Variants in HHIPL1 observed in about 807,000 individuals in gnomAD.
HHIPL1 encodes HHIP-like protein 1.
A neutral mutation model predicts 61.8 loss-of-function variants in HHIPL1; 43 were observed. That is an observed-to-expected ratio of 0.70 (90% CI 0.55 to 0.90). The LOEUF is 0.90. HHIPL1 is among the 40% of genes least tolerant of loss of function. The pLI is 0.00. For synonymous variants in HHIPL1, 482 were observed against 515.8 expected, an observed-to-expected ratio of 0.93 and a Z score of 0.89; for missense variants, 1,056 against 1,157.7, an observed-to-expected ratio of 0.91 and a Z score of 1.28.
At chr14:99,604,986 G>A in the HHIPL1 span, among the ~76,000 whole-genome samples, 1 of 152,154 alleles carries the variant, frequency 6.6e-6, no homozygotes, top group Non-Finnish European at 1.5e-5. Context: ...TGAGCTAAAC[G>A]CTGGCGTCCG....
chr14:99,668,747 C>A lies in HHIPL1; in HGVS notation c.1730+444C>A. 6.6e-7 allele frequency: 1 copy of A among 1,515,352 alleles called. No homozygotes were observed. The highest frequency in any genetic ancestry group is 9.0e-7 in the Non-Finnish European group (1 of 1,107,156). The allele number at this position is 1,515,352 out of a possible 1,614,324, so 93.9% of individuals were successfully genotyped here. ...CCTGTGTGTCCCCGCCCCGTGCCTG[C>A]CCTTCCTCCTGTGGTCCATCTTCCA... On this transcript the variant is annotated intron_variant, in intron 7 of 8. Transcript: ENST00000330710. The surrounding 1 kb of genome is among the most constrained non-coding windows in gnomAD (Gnocchi z 4.7).
chr14:99,674,756 C>A (rs929506355), intron 8 of HHIPL1, among the ~76,000 whole-genome samples: 2 of 152,178 alleles, frequency 1.3e-5, no homozygotes, highest in Admixed American at 6.5e-5. Flanking sequence ...CTGGCTCCCC[C>A]ACCAACCTAG....
In HHIPL1 at chr14:99,645,394, CTG is replaced by C; in HGVS notation, c.188_189del (p.Leu63ArgfsTer33). On this transcript the variant is annotated frameshift_variant, in exon 1 of 9. Coordinates refer to ENST00000330710, the MANE Select transcript of HHIPL1 (RefSeq NM_001127258.3). LOFTEE classifies it high-confidence loss of function. The stretch of plus-strand genomic sequence containing the variant: ...CGAGCTGACCCGCCGCTTCTGGGCC[CTG>C]GCGAGCCGCGTGGACGCCGCCGAGT... ...DAELTRRFWA[L>X]ASRVDAAEWA... 7.0e-7 allele frequency: 1 copy of C among 1,424,738 alleles called. No individual in the cohort carries two copies. The highest frequency in any genetic ancestry group is 9.2e-7 in the Non-Finnish European group (1 of 1,091,730). The allele number at this position is 1,424,738 out of a possible 1,614,324, so 88.3% of individuals were successfully genotyped here.
intron 8 of HHIPL1, among the ~76,000 whole-genome samples, chr14:99,673,229 G>A (rs2056344645): frequency 6.6e-6 from 1 of 151,946 alleles, no homozygotes; most frequent in Non-Finnish European, 1.5e-5. Context: ...CGGGTAGAGG[G>A]GGAAGGGTCT....
At chr14:99,665,962 A>G (rs1324675197) in intron 6 of HHIPL1, among the ~76,000 whole-genome samples, 6 of 151,364 alleles carry the variant, frequency 4.0e-5, no homozygotes, top group Non-Finnish European at 8.8e-5. Flanking sequence ...TTGTATTTTT[A>G]GTAGAGATGG....
At chr14:99,618,569 A>G in the HHIPL1 span, among the ~76,000 whole-genome samples, 2 of 152,314 alleles carry the variant, frequency 1.3e-5, no homozygotes, top group African/African-American at 2.4e-5. Context: ...CCAGCCCTGA[A>G]CTGTGCGTAC....
the HHIPL1 span, among the ~76,000 whole-genome samples, chr14:99,636,194 A>C: frequency 6.6e-6 from 1 of 150,780 alleles, no homozygotes; most frequent in Non-Finnish European, 1.5e-5. Context: ...GTGGGAAGGG[A>C]TGTCATGGAG....
At chr14:99,618,054 G>A in the HHIPL1 span, among the ~76,000 whole-genome samples, 1 of 152,214 alleles carries the variant, frequency 6.6e-6, no homozygotes, top group African/African-American at 2.4e-5. Flanking sequence ...CACCTTGCCT[G>A]GTCCAGGGGC....
chr14:99,624,131 C>T, the HHIPL1 span, among the ~76,000 whole-genome samples: 1 of 152,236 alleles, frequency 6.6e-6, no homozygotes, highest in Non-Finnish European at 1.5e-5. Flanking sequence ...CCGAGGCTTG[C>T]CAAGAGCTTG....
rs558212663 is a variant in HHIPL1, at chr14:99,676,335, C to G, written c.*709C>G. On this transcript the variant is annotated 3_prime_UTR_variant, in exon 9 of 9. Coordinates refer to ENST00000330710, the MANE Select transcript of HHIPL1 (RefSeq NM_001127258.3). ...GCCGTATGCTGGAGAAGCCACTCAG[C>G]AGCATACTCAGTCCTTGTGGGTGCT... is the stretch of plus-strand genomic sequence containing the variant. 2.6e-4 allele frequency: 40 copies of G among 152,518 alleles called. No homozygotes were observed. The highest frequency in any genetic ancestry group is 8.4e-4 in the African/African-American group (35 of 41,574). 9.4% of individuals were successfully genotyped at this position (152,518 alleles called of 1,614,324 possible).
chr14:99,664,128 C>CG (rs1226885852), intron 6 of HHIPL1, among the ~76,000 whole-genome samples: 1 of 152,122 alleles, frequency 6.6e-6, no homozygotes, highest in Non-Finnish European at 1.5e-5. Context: ...TCCTTGGCCC[C>CG]GGGTTGTTCC....
chr14:99,616,029 T>A, the HHIPL1 span, among the ~76,000 whole-genome samples: 1 of 152,204 alleles, frequency 6.6e-6, no homozygotes, highest in African/African-American at 2.4e-5. Context: ...ATACCATGGC[T>A]CAGCTGGCCA....
rs944186982 is a variant in HHIPL1 at position 99,680,050 on chromosome 14, A to G, written c.*4424A>G. 3 of 152,132 alleles carry G rather than the reference A, an allele frequency of 2.0e-5. No individual in the cohort carries two copies. Among genetic ancestry groups the G allele is most frequent in the African/African-American group, 7.2e-5 (3 of 41,418 alleles). 9.4% of individuals were successfully genotyped at this position (152,132 alleles called of 1,614,324 possible). A position where few individuals can be genotyped will look rare whatever the true frequency, so the allele number is the denominator to read the frequency against. On this transcript the variant is annotated 3_prime_UTR_variant, in exon 9 of 9. Coordinates refer to ENST00000330710, the MANE Select transcript of HHIPL1 (RefSeq NM_001127258.3). ...ACAACAGCTCCACGAGACACCCTCA[A>G]TATCACTGTCCCTGTTTTCCAGATG...
chr14:99,605,408 G>A, the HHIPL1 span, among the ~76,000 whole-genome samples: 1 of 137,620 alleles, frequency 7.3e-6, no homozygotes. Flanking sequence ...CCCTCCCCCG[G>A]AACCTGCAAC....
intron 1 of HHIPL1, among the ~76,000 whole-genome samples, chr14:99,651,128 A>G (rs1209851275): frequency 6.6e-6 from 1 of 152,158 alleles, no homozygotes; most frequent in Admixed American, 6.5e-5. Flanking sequence ...TCTCGCCTGT[A>G]GTCCCAGCTA....
Position 99,669,778 on chromosome 14 carries a change from A to G in HHIPL1, c.1730+1475A>G, listed in dbSNP as rs141751033. On this transcript the variant is annotated intron_variant, in intron 7 of 8. Coordinates refer to ENST00000330710, the MANE Select transcript of HHIPL1 (RefSeq NM_001127258.3). ...CATCTCAACAAAAAATTAAAAAATT[A>G]GTCTGGTGTGCTGGCGCACATCTAT... Among the ~76,000 whole-genome samples the G allele has an allele frequency of 4.0e-4, 61 of 152,324 alleles. 1 individual carries two copies. The highest frequency in any genetic ancestry group is 1.5e-3 in the African/African-American group (61 of 41,584).
chr14:99,643,145 A>G (rs965897353), upstream of HHIPL1, among the ~76,000 whole-genome samples: 31 of 151,998 alleles, frequency 2.0e-4, 1 homozygote, highest in African/African-American at 7.5e-4. Context: ...GGTTCAAGCG[A>G]TTCTCATGCC....
the HHIPL1 span, among the ~76,000 whole-genome samples, chr14:99,607,373 C>T: frequency 1.6e-3 from 245 of 152,168 alleles, no homozygotes; most frequent in African/African-American, 5.7e-3. Flanking sequence ...AATCATGGTG[C>T]ACTAACAGTC....
chr14:99,605,705 T>C, the HHIPL1 span, among the ~76,000 whole-genome samples: 4 of 152,324 alleles, frequency 2.6e-5, no homozygotes, highest in Admixed American at 2.0e-4. Context: ...GCTGCTGTCA[T>C]AGAAAGCATA....
Sources: gnomAD v4.1 joint callset for allele counts (sites outside exome capture counted in the v4.1 genomes callset) on GRCh38, gnomAD v4.1.1 for gene constraint, Gnocchi (gnomAD v3.1) non-coding constraint, MANE v1.5 for transcripts, NCBI Gene and HGNC (gene_info 2026-07-23, HGNC 2026-07-21) for gene names.